The following DNAH7 variants were observed in gnomAD, a reference collection of about 807,000 sequenced individuals.
DNAH7 encodes axonemal beta dynein heavy chain 7.
DNAH7 carries 397 observed loss-of-function variants against 444.6 expected under a neutral mutation model. That is an observed-to-expected ratio of 0.89 (90% CI 0.82 to 0.97). The LOEUF (loss-of-function observed/expected upper bound fraction) is 0.97, where lower values mean the gene tolerates loss of function less well. Among genes scored for constraint, DNAH7 ranks in the 50% least tolerant of loss-of-function variants. The pLI is 0.00. For synonymous variants in DNAH7, 1,636 were observed against 1,624.4 expected (o/e 1.01, Z -0.17); for missense variants, 4,902 against 4,800.8 (o/e 1.02, Z -0.62).
chr2:195,842,903 T>G (rs900648961), intron 47 of DNAH7, among the ~76,000 whole-genome samples: 3 of 152,174 alleles, frequency 2.0e-5, no homozygotes, highest in Non-Finnish European at 4.4e-5. Context: ...GTTATAGATG[T>G]CCTGCTAGGC....
intron 36 of DNAH7, among the ~76,000 whole-genome samples, chr2:195,880,487 C>G (rs1177598369): frequency 6.6e-6 from 1 of 152,022 alleles, no homozygotes; most frequent in Non-Finnish European, 1.5e-5. Context: ...CGCCACCACA[C>G]CCGGCTACTT....
At chr2:195,807,556 A>C (rs180801834) in intron 53 of DNAH7, among the ~76,000 whole-genome samples, 27 of 152,328 alleles carry the variant, frequency 1.8e-4, no homozygotes, top group Admixed American at 1.8e-3. Flanking sequence ...ATTGTACTGA[A>C]ATTTATTGTA....
In DNAH7 at chr2:195,936,702, G is replaced by T; in HGVS notation, c.3169C>A (p.Leu1057Ile). Residue 1057 changes from leucine (L) to isoleucine (I), a missense_variant, in exon 20 of 65, where the codon CTT becomes ATT. Leu to Ile is a conservative substitution (Grantham distance 5). Coordinates refer to ENST00000312428, the MANE Select transcript of DNAH7 (RefSeq NM_018897.3). ...CGTTTCTTTTCCAAATATTCATTAA[G>T]TCCTTTAAGAATGAGCTCCAAAAGT... is the stretch of plus-strand genomic sequence containing the variant. Reference protein sequence around the residue: ...NELLELILKGLNEYLEKKRLF... With the variant: ...NELLELILKGINEYLEKKRLF... The T allele has an allele frequency of 6.3e-7, 1 of 1,598,870 alleles. No individual in the cohort carries two copies.
At chr2:196,062,688 G>A (rs886221543) in intron 1 of DNAH7, among the ~76,000 whole-genome samples, 5 of 152,042 alleles carry the variant, frequency 3.3e-5, no homozygotes, top group African/African-American at 1.2e-4. Context: ...ACGATCACAG[G>A]CCAATCCCTC....
intron 5 of DNAH7, among the ~76,000 whole-genome samples, chr2:196,029,697 CA>C: frequency 6.6e-6 from 1 of 152,266 alleles, no homozygotes; most frequent in East Asian, 1.9e-4. Flanking sequence ...CTTGGTCATA[CA>C]GCTAATTAAC....
At chr2:195,787,871 C>T (rs538794863) in intron 57 of DNAH7, among the ~76,000 whole-genome samples, 15 of 152,164 alleles carry the variant, frequency 9.9e-5, no homozygotes, top group African/African-American at 1.9e-4. Flanking sequence ...AAGGAGCAGA[C>T]GGAGAGTGTG....
chr2:195,744,276 G>A (rs1213062799), intron 63 of DNAH7, among the ~76,000 whole-genome samples: 11 of 152,220 alleles, frequency 7.2e-5, no homozygotes, highest in Non-Finnish European at 1.2e-4. Flanking sequence ...ACAGCAGTCT[G>A]AGATCAAACT....
At chr2:195,783,371 CT>C (rs753154900) in intron 58 of DNAH7, among the ~76,000 whole-genome samples, 1 of 152,140 alleles carries the variant, frequency 6.6e-6, no homozygotes, top group Non-Finnish European at 1.5e-5. Context: ...GCCTAAAAGT[CT>C]GAAATCAAGG....
At chr2:195,841,350 T>C (rs1698673591) in intron 47 of DNAH7, among the ~76,000 whole-genome samples, 1 of 151,832 alleles carries the variant, frequency 6.6e-6, no homozygotes, top group African/African-American at 2.4e-5. Context: ...TTAATAACTA[T>C]ATCAAACTTA....
intron 1 of DNAH7, among the ~76,000 whole-genome samples, chr2:196,060,429 C>T (rs1396398193): frequency 6.6e-6 from 1 of 152,074 alleles, no homozygotes; most frequent in East Asian, 1.9e-4. Flanking sequence ...AGATTTTCTG[C>T]TTATCTCTGG....
chr2:195,835,948 A>G (rs774036456), intron 47 of DNAH7, among the ~76,000 whole-genome samples: 9 of 152,228 alleles, frequency 5.9e-5, no homozygotes, highest in Non-Finnish European at 8.8e-5. Flanking sequence ...TCTGGCTGCC[A>G]TAACAGTATA....
chr2:195,919,787 G>A (rs536168244), intron 24 of DNAH7, among the ~76,000 whole-genome samples: 76 of 152,332 alleles, frequency 5.0e-4, no homozygotes, highest in Non-Finnish European at 9.4e-4. Context: ...TGACTGGGTT[G>A]ATAAATAGCC....
At chr2:195,982,557 T>A (rs1019683926) in intron 15 of DNAH7, among the ~76,000 whole-genome samples, 1 of 152,192 alleles carries the variant, frequency 6.6e-6, no homozygotes, top group African/African-American at 2.4e-5. Context: ...CTATTCACAA[T>A]ACCCAAGATT....
At chr2:195,927,521 A>T (rs148290053) in intron 21 of DNAH7, among the ~76,000 whole-genome samples, 5,656 of 149,112 alleles carry the variant, frequency 0.038, 296 homozygotes, top group East Asian at 0.28. Context: ...ATAAATAAAT[A>T]AATAAATTAA....
intron 24 of DNAH7, among the ~76,000 whole-genome samples, chr2:195,914,759 G>C (rs931169354): frequency 5.3e-5 from 8 of 152,158 alleles, no homozygotes; most frequent in African/African-American, 1.4e-4. Context: ...TGCCTCCTGA[G>C]CTCAAGTGAT....
At chr2:196,068,652 A>C in intron 1 of DNAH7, 45 bp downstream of exon 1, 1 of 1,549,902 alleles carries the variant, frequency 6.5e-7, no homozygotes, top group Non-Finnish European at 8.7e-7. Context: ...AACGCCTGGG[A>C]AGCGTCGCGG....
intron 61 of DNAH7, among the ~76,000 whole-genome samples, chr2:195,767,852 G>C (rs1694658056): frequency 6.6e-6 from 1 of 151,794 alleles, no homozygotes; most frequent in Admixed American, 6.6e-5. Flanking sequence ...CTAAGAAACT[G>C]TCTTGGAATA....
chr2:195,945,537 T>C (rs919485971), intron 19 of DNAH7, among the ~76,000 whole-genome samples: 2 of 152,132 alleles, frequency 1.3e-5, no homozygotes, highest in Non-Finnish European at 2.9e-5. Flanking sequence ...TCCATCCAAA[T>C]CCCAAATGAG....
intron 64 of DNAH7, among the ~76,000 whole-genome samples, chr2:195,739,993 T>C (rs764898376): frequency 6.6e-6 from 1 of 152,156 alleles, no homozygotes; most frequent in African/African-American, 2.4e-5. Context: ...TTGTTTTGTT[T>C]TGTTTTGGAG....
Sources: allele counts gnomAD v4.1 joint callset (sites outside exome capture counted in the v4.1 genomes callset), GRCh38; gene constraint gnomAD v4.1.1; transcripts MANE v1.5; gene names NCBI Gene and HGNC (gene_info 2026-07-23, HGNC 2026-07-21).